Variants in KCNIP4 observed in about 807,000 individuals in gnomAD.
KCNIP4 encodes Kv channel-interacting protein 4.
KCNIP4 carries 12 observed loss-of-function variants against 34.0 expected under a neutral mutation model. That is an observed-to-expected ratio of 0.35 (90% CI 0.23 to 0.57). KCNIP4 has a LOEUF of 0.57. KCNIP4 is among the 20% of genes least tolerant of loss of function. The probability of loss-of-function intolerance (pLI) is 0.83; values close to 1 mark genes in which losing one functional copy is unlikely to be tolerated. For missense variants in KCNIP4, 238 were observed against 311.7 expected (o/e 0.76, Z 1.78); for synonymous variants, 124 against 102.2 (o/e 1.21, Z -1.29).
In KCNIP4 at chr4:20,832,013, A is replaced by G. The variant is rs911199793; in HGVS notation, c.288+18530T>C. Among the ~76,000 whole-genome samples, 7 of 152,344 alleles carry G rather than the reference A, an allele frequency of 4.6e-5. No individual in the cohort carries two copies. The East Asian group carries it at 1.2e-3, about 25-fold the overall frequency. ...TGTAACAATAAACCACAAAAGGACT[A>G]ATCATATCCTTTCTTGGAATTTACT... On this transcript the variant is annotated intron_variant, in intron 3 of 8. Transcript: ENST00000382152.
chr4:21,806,034 T>C (rs1471648015), intron 1 of KCNIP4, among the ~76,000 whole-genome samples: 1 of 152,218 alleles, frequency 6.6e-6, no homozygotes, highest in East Asian at 1.9e-4. Context: ...CTGGTTTTCT[T>C]CTGACATATA....
intron 1 of KCNIP4, among the ~76,000 whole-genome samples, chr4:21,828,244 G>A (rs550611017): frequency 1.8e-4 from 27 of 151,478 alleles, no homozygotes; most frequent in African/African-American, 6.3e-4. Flanking sequence ...ATGATTAAAC[G>A]GATTAGACAC....
chr4:20,969,746 AC>A (rs1252726038), intron 1 of KCNIP4, among the ~76,000 whole-genome samples: 14 of 151,068 alleles, frequency 9.3e-5, no homozygotes, highest in African/African-American at 2.9e-4. Context: ...GGATTAGTAA[AC>A]TATATTACAC....
At chr4:21,040,090 T>A (rs28387676) in intron 1 of KCNIP4, among the ~76,000 whole-genome samples, 14,204 of 152,002 alleles carry the variant, frequency 0.093, 1,415 homozygotes, top group African/African-American at 0.25. Flanking sequence ...ACTCACCATC[T>A]CAAGAACAGC....
At chr4:21,678,305 A>ATTTTTTTTT (rs59561334) in intron 1 of KCNIP4, among the ~76,000 whole-genome samples, 13 of 117,600 alleles carry the variant, frequency 1.1e-4, no homozygotes, top group Admixed American at 1.9e-4. Flanking sequence ...TCTTCTTTTG[A>ATTTTTTTTT]TTTTTTTTTT....
At chr4:21,582,586 G>T (rs527349983) in intron 1 of KCNIP4, among the ~76,000 whole-genome samples, 1 of 151,836 alleles carries the variant, frequency 6.6e-6, no homozygotes. Flanking sequence ...CAAAAAATAG[G>T]ATCAGAAATA....
intron 3 of KCNIP4, among the ~76,000 whole-genome samples, chr4:20,769,094 C>T (rs1420161056): frequency 6.7e-6 from 1 of 148,488 alleles, no homozygotes; most frequent in Non-Finnish European, 1.5e-5. Context: ...AAAAAACTGG[C>T]TCAAGTTTCA....
At chr4:21,441,207 T>A (rs1727444796) in intron 1 of KCNIP4, among the ~76,000 whole-genome samples, 1 of 151,626 alleles carries the variant, frequency 6.6e-6, no homozygotes, top group Non-Finnish European at 1.5e-5. Context: ...AGTGGCGTGA[T>A]CTCGGCTCAC....
intron 1 of KCNIP4, among the ~76,000 whole-genome samples, chr4:21,449,127 AG>A (rs951986642): frequency 6.6e-6 from 1 of 152,210 alleles, no homozygotes; most frequent in African/African-American, 2.4e-5. Context: ...CAAAGAGCAG[AG>A]GTATGGGCTG....
At chr4:20,772,475 TG>T (rs1365872780) in intron 3 of KCNIP4, among the ~76,000 whole-genome samples, 1 of 152,116 alleles carries the variant, frequency 6.6e-6, no homozygotes, top group African/African-American at 2.4e-5. Flanking sequence ...AAACTTGAAT[TG>T]TTTTTTACAA....
chr4:21,914,805 C>T (rs536516102), intron 1 of KCNIP4, among the ~76,000 whole-genome samples: 1 of 152,206 alleles, frequency 6.6e-6, no homozygotes, highest in Admixed American at 6.5e-5. Flanking sequence ...AGTGGCATCA[C>T]CTTCAAGGTT....
chr4:21,367,399 T>C (rs1484771053), intron 1 of KCNIP4, among the ~76,000 whole-genome samples: 1 of 152,164 alleles, frequency 6.6e-6, no homozygotes, highest in African/African-American at 2.4e-5. Flanking sequence ...GCTTCCTTTA[T>C]TTGCCTATCT....
chr4:21,639,616 T>C lies in KCNIP4; in HGVS notation c.61+308955A>G, dbSNP rs180948887. On this transcript the variant is annotated intron_variant, in intron 1 of 8. Transcript: ENST00000382152. ...TGTTTCTTCTTGTTTCAAAAAGCAA[T>C]ATAAACAACTTCTAGGACATTTAAT... 1.5e-4 allele frequency among the ~76,000 whole-genome samples: 23 copies of C among 152,286 alleles called. No homozygotes were observed. The East Asian group carries it at 4.2e-3, about 28-fold the overall frequency.
chr4:20,766,135 T>A (rs1366860343), intron 3 of KCNIP4, among the ~76,000 whole-genome samples: 1 of 152,160 alleles, frequency 6.6e-6, no homozygotes, highest in Non-Finnish European at 1.5e-5. Flanking sequence ...ATGGATTATC[T>A]CGTGGGAATA....
intron 1 of KCNIP4, among the ~76,000 whole-genome samples, chr4:21,041,046 T>C (rs1741913513): frequency 1.3e-5 from 2 of 152,080 alleles, no homozygotes; most frequent in South Asian, 4.1e-4. Context: ...CTATAGCCTT[T>C]AACCCCCAAC....
At chr4:21,229,504 C>T (rs1233713357) in intron 1 of KCNIP4, among the ~76,000 whole-genome samples, 7 of 152,144 alleles carry the variant, frequency 4.6e-5, no homozygotes, top group South Asian at 2.1e-4. Flanking sequence ...CAAACACAGA[C>T]GTTTTTGAAC....
chr4:20,907,439 T>A (rs1196412200), intron 1 of KCNIP4, among the ~76,000 whole-genome samples: 3 of 152,250 alleles, frequency 2.0e-5, no homozygotes, highest in Non-Finnish European at 4.4e-5. Flanking sequence ...ATAATCTACC[T>A]ATCTCATGGG....
chr4:21,697,391 G>A, intron 1 of KCNIP4: 2 of 1,554,830 alleles, frequency 1.3e-6, no homozygotes, highest in South Asian at 1.3e-5. Context: ...AAGGTACTGG[G>A]CAAATTTCAG....
At chr4:20,947,504 G>C (rs145199014) in intron 1 of KCNIP4, among the ~76,000 whole-genome samples, 2 of 152,096 alleles carry the variant, frequency 1.3e-5, no homozygotes, top group African/African-American at 2.4e-5. Context: ...CCAATCACTC[G>C]TTCTCAGCTA....
Sources: gnomAD v4.1 joint callset for allele counts (sites outside exome capture counted in the v4.1 genomes callset) on GRCh38, gnomAD v4.1.1 for gene constraint, MANE v1.5 for transcripts, NCBI Gene and HGNC (gene_info 2026-07-23, HGNC 2026-07-21) for gene names.